ACOXL: variants seen among roughly 807,000 people sequenced by gnomAD.
ACOXL encodes the protein acyl-coenzyme A oxidase-like protein.
A neutral mutation model predicts 71.9 loss-of-function variants in ACOXL; 70 were observed. That is an observed-to-expected ratio of 0.97 (90% confidence interval 0.80 to 1.19). ACOXL has a LOEUF of 1.19. Among genes scored for constraint, ACOXL ranks in the 50% most tolerant of loss-of-function variants. The probability of loss-of-function intolerance (pLI) is 0.00; values close to 1 mark genes in which losing one functional copy is unlikely to be tolerated. For synonymous variants in ACOXL, 253 were observed against 281.6 expected, an observed-to-expected ratio of 0.90 and a Z score of 1.02; for missense variants, 703 against 736.3, an observed-to-expected ratio of 0.95 and a Z score of 0.52.
At chr2:110,772,140 G>A (rs1433261158) in intron 2 of ACOXL, among the ~76,000 whole-genome samples, 1 of 152,222 alleles carries the variant, frequency 6.6e-6, no homozygotes, top group Admixed American at 6.5e-5. Flanking sequence ...CTGAAGCTGA[G>A]TAATTGGCCT....
Position 110,962,398 on chromosome 2 carries a change from C to T in ACOXL, c.1060-24710C>T, listed in dbSNP as rs187184815. On this transcript the variant is annotated intron_variant, in intron 12 of 17. Transcript: ENST00000439055. ...TCTGGTTGGAAATGTTACTGATTTA[C>T]TTACTCATAAGCACAATCAGTTTAA... is the stretch of plus-strand genomic sequence containing the variant. Among the ~76,000 whole-genome samples, 4 of 152,352 alleles carry T rather than the reference C, an allele frequency of 2.6e-5. No homozygotes were observed. The East Asian group carries it at 7.7e-4, about 29-fold the overall frequency.
At chr2:110,914,686 C>G (rs980142324) in intron 11 of ACOXL, among the ~76,000 whole-genome samples, 4 of 152,176 alleles carry the variant, frequency 2.6e-5, no homozygotes, top group African/African-American at 9.6e-5. Flanking sequence ...TGCCTTATTA[C>G]ACTGGACAAA....
chr2:111,010,348 C>T (rs2064089646), intron 14 of ACOXL, among the ~76,000 whole-genome samples: 1 of 151,980 alleles, frequency 6.6e-6, no homozygotes, highest in South Asian at 2.1e-4. Flanking sequence ...GGATTAACAA[C>T]ACACTGGGCA....
At chr2:111,037,585 T>A (rs1230511596) in intron 15 of ACOXL, among the ~76,000 whole-genome samples, 2 of 152,302 alleles carry the variant, frequency 1.3e-5, no homozygotes, top group East Asian at 1.9e-4. Context: ...CACAGCCATC[T>A]CCATCTATAG....
Position 110,880,669 on chromosome 2 carries a change from C to T in ACOXL, c.789-28120C>T, listed in dbSNP as rs923291867. Reference sequence around the variant, plus strand: ...CTGCTCTGCAAAAGACTCTACTGGCCGAGCACAGTGGCTCATGTCTGTAAT... The same window carrying T: ...CTGCTCTGCAAAAGACTCTACTGGCTGAGCACAGTGGCTCATGTCTGTAAT... On this transcript the variant is annotated intron_variant, in intron 10 of 17. Transcript: ENST00000439055. Among the ~76,000 whole-genome samples the T allele has an allele frequency of 8.5e-5, 13 of 152,226 alleles. 1 individual carries two copies. The South Asian group carries it at 1.0e-3, about 12-fold the overall frequency.
At chr2:111,108,702 G>A (rs2069731574) in intron 17 of ACOXL, among the ~76,000 whole-genome samples, 1 of 152,206 alleles carries the variant, frequency 6.6e-6, no homozygotes, top group South Asian at 2.1e-4. Context: ...TAATGGTGCA[G>A]TTCAGCGAGT....
chr2:110,946,451 T>C (rs2061111753), intron 12 of ACOXL, among the ~76,000 whole-genome samples: 2 of 152,200 alleles, frequency 1.3e-5, no homozygotes, highest in Admixed American at 1.3e-4. Flanking sequence ...GGCATCCTTG[T>C]CTTGTTCTGG....
chr2:110,857,589 G>A (rs1693413213), intron 10 of ACOXL, among the ~76,000 whole-genome samples: 1 of 152,086 alleles, frequency 6.6e-6, no homozygotes, highest in Non-Finnish European at 1.5e-5. Flanking sequence ...GTAGCATAGT[G>A]GATTCCCTAT....
At chr2:110,940,859 G>A (rs578113206) in intron 12 of ACOXL, among the ~76,000 whole-genome samples, 89 of 152,340 alleles carry the variant, frequency 5.8e-4, no homozygotes, top group African/African-American at 1.9e-3. Flanking sequence ...CTTAAGGAAC[G>A]TTCTTAGCAG....
chr2:111,077,963 T>A (rs951341734), intron 16 of ACOXL, among the ~76,000 whole-genome samples: 1 of 152,214 alleles, frequency 6.6e-6, no homozygotes, highest in Non-Finnish European at 1.5e-5. Context: ...TTTTGCCAGA[T>A]TTAGGGAGTC....
intron 15 of ACOXL, among the ~76,000 whole-genome samples, chr2:111,044,944 A>C (rs934198215): frequency 2.6e-4 from 39 of 152,188 alleles, no homozygotes; most frequent in African/African-American, 8.9e-4. Flanking sequence ...CCCAACCTCA[A>C]AGCCACTTGT....
chr2:111,011,753 A>G (rs2064170493), intron 14 of ACOXL, among the ~76,000 whole-genome samples: 1 of 151,904 alleles, frequency 6.6e-6, no homozygotes, highest in East Asian at 1.9e-4. Context: ...TGTGGTGGTA[A>G]CACAGCTGTT....
chr2:111,108,838 T>C (rs1009837761), intron 17 of ACOXL, among the ~76,000 whole-genome samples: 4 of 152,256 alleles, frequency 2.6e-5, no homozygotes, highest in Non-Finnish European at 1.5e-5. Flanking sequence ...TTTCTAACTT[T>C]ATTATAAGAG....
Position 110,805,291 on chromosome 2 carries a change from T to C in ACOXL, c.649T>C (p.Tyr217His). The part of the protein sequence containing the change: ...KFGSVAPDGQ[Y>H]HSPIRNKSAR... Reference sequence around the variant, plus strand: ...TGGTTCCGTGGCTCCAGATGGACAGTACCATTCGCCTATTAGGAACAAGAG... The same window carrying C: ...TGGTTCCGTGGCTCCAGATGGACAGCACCATTCGCCTATTAGGAACAAGAG... The change falls in exon 9 of 18, where the codon TAC (tyrosine) becomes CAC (histidine). Residue 217 changes from tyrosine to histidine, a missense_variant. Coordinates refer to ENST00000439055, the MANE Select transcript of ACOXL (RefSeq NM_001142807.4). The C allele has an allele frequency of 6.2e-7, 1 of 1,614,244 alleles. No individual in the cohort carries two copies. Among genetic ancestry groups the C allele is most frequent in the East Asian group, 2.2e-5 (1 of 44,886 alleles).
chr2:110,764,541 G>T (rs1211483144), intron 1 of ACOXL, among the ~76,000 whole-genome samples: 1 of 152,208 alleles, frequency 6.6e-6, no homozygotes, highest in Non-Finnish European at 1.5e-5. Flanking sequence ...TTAGGGCAGT[G>T]AAGCTACTCC....
intron 10 of ACOXL, among the ~76,000 whole-genome samples, chr2:110,847,617 C>G (rs1692078744): frequency 6.6e-6 from 1 of 152,186 alleles, no homozygotes; most frequent in South Asian, 2.1e-4. Context: ...AGTTCTTTCC[C>G]ACAACTGACT....
chr2:110,982,754 G>A (rs1465454671), intron 12 of ACOXL, among the ~76,000 whole-genome samples: 1 of 152,164 alleles, frequency 6.6e-6, no homozygotes, highest in Non-Finnish European at 1.5e-5. Context: ...GCAATATTTT[G>A]GTGTCCAAAT....
intron 16 of ACOXL, among the ~76,000 whole-genome samples, chr2:111,067,337 A>G (rs868342688): frequency 2.0e-5 from 3 of 152,320 alleles, no homozygotes; most frequent in Non-Finnish European, 4.4e-5. Context: ...AAAATAAAAC[A>G]TACCTTTAAA....
intron 13 of ACOXL, among the ~76,000 whole-genome samples, chr2:110,992,433 C>T (rs1019360046): frequency 4.6e-5 from 7 of 152,204 alleles, no homozygotes; most frequent in Non-Finnish European, 1.0e-4. Context: ...GGAGTCTGCA[C>T]TCCGAGAGCA....
Sources: gnomAD v4.1 joint callset for allele counts (sites outside exome capture counted in the v4.1 genomes callset) on GRCh38, gnomAD v4.1.1 for gene constraint, MANE v1.5 for transcripts, NCBI Gene and HGNC (gene_info 2026-07-23, HGNC 2026-07-21) for gene names.